KHDRBS2: variants seen among roughly 807,000 people sequenced by gnomAD.
The protein encoded by KHDRBS2 is KH RNA binding domain containing, signal transduction associated 2.
A neutral mutation model predicts 44.3 loss-of-function variants in KHDRBS2; 26 were observed. The observed-to-expected ratio is 0.59, with a 90% confidence interval of 0.43 to 0.81. The LOEUF (loss-of-function observed/expected upper bound fraction) is 0.81. KHDRBS2 is among the 40% of genes least tolerant of loss of function. The pLI, the probability that KHDRBS2 is intolerant of heterozygous loss-of-function variation, is 0.00. For missense variants in KHDRBS2, 476 were observed against 433.1 expected (o/e 1.10, Z -0.88); for synonymous variants, 194 against 151.1 (o/e 1.28, Z -2.08).
intron 7 of KHDRBS2, among the ~76,000 whole-genome samples, chr6:61,708,225 C>T (rs1278980124): frequency 2.0e-5 from 3 of 151,456 alleles, no homozygotes; most frequent in South Asian, 4.2e-4. Flanking sequence ...CCACATCAAC[C>T]CTTTAAACTC....
chr6:62,043,098 G>C (rs1239261416), intron 3 of KHDRBS2, among the ~76,000 whole-genome samples: 1 of 152,064 alleles, frequency 6.6e-6, no homozygotes, highest in Non-Finnish European at 1.5e-5. Context: ...GGTGTGTTCA[G>C]CTATTGTCTG....
intron 8 of KHDRBS2, among the ~76,000 whole-genome samples, chr6:61,694,284 G>A (rs773434058): frequency 5.3e-5 from 8 of 152,098 alleles, no homozygotes; most frequent in Non-Finnish European, 1.2e-4. Context: ...TGTTAAATGA[G>A]TAATGTTCTC....
chr6:62,231,777 A>C (rs1832940776), intron 1 of KHDRBS2, among the ~76,000 whole-genome samples: 2 of 152,160 alleles, frequency 1.3e-5, no homozygotes, highest in South Asian at 4.1e-4. Context: ...ATTCTTCGTG[A>C]AGAATTTTCT....
intron 3 of KHDRBS2, among the ~76,000 whole-genome samples, chr6:62,043,066 C>A (rs982413103): frequency 3.9e-5 from 6 of 152,054 alleles, no homozygotes; most frequent in Non-Finnish European, 8.8e-5. Context: ...TCAAGATCTC[C>A]TATTTTCCTC....
rs543067348 is a variant in KHDRBS2 at position 62,107,299 on chromosome 6, A to G, written c.220-59305T>C. ...TCACAAGCATTCTTATACACCAATA[A>G]CAGACAAACAGAGAGCCAAATCATG... On this transcript the variant is annotated intron_variant, in intron 2 of 8. Coordinates refer to ENST00000281156, the MANE Select transcript of KHDRBS2 (RefSeq NM_152688.4). 4.6e-5 allele frequency among the ~76,000 whole-genome samples: 7 copies of G among 152,290 alleles called. No homozygotes were observed. In the South Asian group the frequency reaches 1.0e-3, roughly 23 times the overall value.
chr6:61,745,303 G>A lies in KHDRBS2; in HGVS notation c.811-12539C>T, dbSNP rs559225610. On this transcript the variant is annotated intron_variant, in intron 6 of 8. Transcript: ENST00000281156. ...TTGTATTTTTTGAAAATATTCGGTT[G>A]TCAGTAGGTTTCCTTCGACTCCCAT... is the stretch of plus-strand genomic sequence containing the variant. Among the ~76,000 whole-genome samples the A allele has an allele frequency of 1.6e-4, 24 of 152,232 alleles. No individual in the cohort carries two copies. The East Asian group carries it at 2.7e-3, about 17-fold the overall frequency.
the KHDRBS2 span, among the ~76,000 whole-genome samples, chr6:61,546,631 C>G: frequency 6.6e-6 from 1 of 151,958 alleles, no homozygotes; most frequent in Non-Finnish European, 1.5e-5. Context: ...TAATAAAAAA[C>G]AAGTAAGATA....
chr6:61,670,363 T>A, the KHDRBS2 span, among the ~76,000 whole-genome samples: 1 of 151,434 alleles, frequency 6.6e-6, no homozygotes, highest in African/African-American at 2.4e-5. Context: ...GTTTCTCTGA[T>A]GAAATGTGAT....
intron 6 of KHDRBS2, among the ~76,000 whole-genome samples, chr6:61,892,134 G>A (rs1371790530): frequency 6.6e-6 from 1 of 152,222 alleles, no homozygotes; most frequent in East Asian, 1.9e-4. Context: ...CAAATCATGA[G>A]TGAACTCCCA....
intron 3 of KHDRBS2, among the ~76,000 whole-genome samples, chr6:61,979,909 T>A (rs1234469465): frequency 1.3e-5 from 2 of 152,158 alleles, no homozygotes; most frequent in Admixed American, 6.5e-5. Flanking sequence ...TTACTTCCTA[T>A]GTTGATTCCC....
chr6:61,801,882 A>G (rs567523038), intron 6 of KHDRBS2, among the ~76,000 whole-genome samples: 6 of 152,290 alleles, frequency 3.9e-5, no homozygotes, highest in African/African-American at 1.4e-4. Flanking sequence ...GATGTAATTA[A>G]GACCTCAATT....
At chr6:61,883,283 G>C (rs141947131) in intron 6 of KHDRBS2, among the ~76,000 whole-genome samples, 1 of 151,952 alleles carries the variant, frequency 6.6e-6, no homozygotes, top group Non-Finnish European at 1.5e-5. Flanking sequence ...TGTCCTCCCC[G>C]TGTCTACAGC....
chr6:61,810,272 GA>G (rs1787902727), intron 6 of KHDRBS2, among the ~76,000 whole-genome samples: 1 of 152,014 alleles, frequency 6.6e-6, no homozygotes, highest in Non-Finnish European at 1.5e-5. Flanking sequence ...GCCCTGAAGG[GA>G]CATGATCAAG....
rs371210190 is a variant in KHDRBS2, at chr6:62,139,924, G to A, written c.219+37261C>T. Reference sequence around the variant, plus strand: ...GCCGCCAATGCCAGTTCCACCTTTCGCTTTTGTCCTGAGACCTTACAATCA... The same window carrying A: ...GCCGCCAATGCCAGTTCCACCTTTCACTTTTGTCCTGAGACCTTACAATCA... On this transcript the variant is annotated intron_variant, in intron 2 of 8. Transcript: ENST00000281156. 1.9e-3 allele frequency among the ~76,000 whole-genome samples: 278 copies of A among 147,062 alleles called. 8 individuals carry two copies. The South Asian group carries it at 0.053, about 28-fold the overall frequency.
At chr6:62,092,246 T>A (rs1354566442) in intron 2 of KHDRBS2, among the ~76,000 whole-genome samples, 1 of 152,062 alleles carries the variant, frequency 6.6e-6, no homozygotes, top group Non-Finnish European at 1.5e-5. Flanking sequence ...CCCCACTGCA[T>A]AACTCACCCA....
chr6:61,873,543 T>C (rs1583276482), intron 6 of KHDRBS2, among the ~76,000 whole-genome samples: 1 of 151,812 alleles, frequency 6.6e-6, no homozygotes, highest in East Asian at 1.9e-4. Flanking sequence ...AAGAACAATT[T>C]ATCTCAAACA....
intron 1 of KHDRBS2, among the ~76,000 whole-genome samples, chr6:62,227,022 T>G (rs1347537232): frequency 6.6e-6 from 1 of 152,192 alleles, no homozygotes; most frequent in Non-Finnish European, 1.5e-5. Flanking sequence ...TTTGGTTTCC[T>G]TTGAAATTTA....
At chr6:62,035,672 A>T (rs952839393) in intron 3 of KHDRBS2, among the ~76,000 whole-genome samples, 1 of 152,068 alleles carries the variant, frequency 6.6e-6, no homozygotes, top group Non-Finnish European at 1.5e-5. Flanking sequence ...AATACAAAGG[A>T]TAAATGCCTT....
intron 2 of KHDRBS2, among the ~76,000 whole-genome samples, chr6:62,087,793 A>G (rs1312914319): frequency 1.3e-5 from 2 of 152,144 alleles, no homozygotes; most frequent in Admixed American, 6.5e-5. Context: ...GTGTTTTCCA[A>G]CTTGGTTCCA....
Sources: allele counts gnomAD v4.1 joint callset (sites outside exome capture counted in the v4.1 genomes callset), GRCh38; gene constraint gnomAD v4.1.1; transcripts MANE v1.5; gene names NCBI Gene and HGNC (gene_info 2026-07-23, HGNC 2026-07-21).